LUC7L: variants seen among roughly 807,000 people sequenced by gnomAD.
LUC7L encodes the protein LUC7 like.
In LUC7L, 29 loss-of-function variants were observed where a neutral mutation model predicts 51.1. The observed-to-expected ratio is 0.57, with a 90% confidence interval of 0.42 to 0.77. The LOEUF is 0.77. Ranked by LOEUF, LUC7L falls within the 30% of genes least tolerant of loss-of-function variation. The pLI is 0.00. For synonymous variants in LUC7L, 181 were observed against 180.7 expected, an observed-to-expected ratio of 1.00 and a Z score of -0.01; for missense variants, 403 against 511.9, an observed-to-expected ratio of 0.79 and a Z score of 2.05.
intron 7 of LUC7L, among the ~76,000 whole-genome samples, chr16:191,995 C>T (rs1397409221): frequency 1.3e-5 from 2 of 152,124 alleles, no homozygotes; most frequent in Admixed American, 1.3e-4. Flanking sequence ...ACAGACTCAA[C>T]AGCCCCACCT....
chr16:211,090 C>T (rs375567135), intron 3 of LUC7L, among the ~76,000 whole-genome samples: 14 of 136,380 alleles, frequency 1.0e-4, no homozygotes, highest in African/African-American at 3.9e-4. Context: ...AGGCCCAGCA[C>T]GGTGGCTCAC....
intron 1 of LUC7L, chr16:228,252 T>C: frequency 7.7e-7 from 1 of 1,297,414 alleles, no homozygotes; most frequent in Non-Finnish European, 1.0e-6. Flanking sequence ...GTTTTCTTTC[T>C]AAACTACACT....
intron 6 of LUC7L, among the ~76,000 whole-genome samples, chr16:193,535 G>A (rs937808381): frequency 2.0e-5 from 3 of 151,702 alleles, no homozygotes; most frequent in Admixed American, 1.3e-4. Context: ...GACAGAGTCC[G>A]CCCTGTTGCC....
Position 192,931 on chromosome 16 carries a change from T to C in LUC7L, c.772A>G (p.Arg258Gly), listed in dbSNP as rs1567172088. 6.2e-7 allele frequency: 1 copy of C among 1,612,694 alleles called. No homozygotes were observed. The highest frequency in any genetic ancestry group is 8.5e-7 in the Non-Finnish European group (1 of 1,179,924). ...AGTGCCAGCCCTCAGGCTCACCTCC[T>C]GCTCAGACGCTCCTCCCGTTCCCTC... is the stretch of plus-strand genomic sequence containing the variant. ...EEREREERLSRRSGSRTRDRR... is the reference protein window; with the variant it reads ...EEREREERLSGRSGSRTRDRR... Residue 258 changes from arginine (R) to glycine (G), a missense_variant, in exon 7 of 10, where the codon AGG becomes GGG. Coordinates refer to ENST00000293872, the MANE Select transcript of LUC7L (RefSeq NM_201412.3).
intron 8 of LUC7L, 75 bp from the exon 9 acceptor site, chr16:190,210 T>A: frequency 1.5e-6 from 2 of 1,290,566 alleles, no homozygotes; most frequent in Non-Finnish European, 2.2e-6. Flanking sequence ...CTCAGCAGAT[T>A]CTGCTTGCTG....
At position 189,297 on chromosome 16, in the gene LUC7L, G is replaced by A. The variant is rs762557885; in HGVS notation, c.1017C>T (p.Ser339=). ...ERASREESWE[S]GRSERGPPDW... is the part of the protein sequence containing the mutation. ...CCGGGGGCCCTCGCTCGCTCCGCCC[G>A]CTCTCCCAGGACTCCTCTCTGGATG... Residue 339 remains serine, a synonymous_variant, in exon 10 of 10, where the codon AGC becomes AGT. Coordinates refer to ENST00000293872, the MANE Select transcript of LUC7L (RefSeq NM_201412.3). 54 of 1,612,896 alleles carry A rather than the reference G, an allele frequency of 3.3e-5. No individual in the cohort carries two copies. Among genetic ancestry groups the A allele is most frequent in the South Asian group, 1.6e-4 (15 of 90,946 alleles).
intron 1 of LUC7L, 75 bp from the exon 2 acceptor site, chr16:227,411 C>T: frequency 2.0e-6 from 3 of 1,532,358 alleles, no homozygotes; most frequent in African/African-American, 1.4e-5. Flanking sequence ...TATAACAATT[C>T]ACCTGGATGA....
intron 5 of LUC7L, among the ~76,000 whole-genome samples, chr16:201,170 G>A (rs200447676): frequency 1.4e-3 from 98 of 70,310 alleles, no homozygotes; most frequent in South Asian, 2.4e-3. Context: ...CTCTGTCTGA[G>A]AAAAAAAAAA....
At chr16:218,182 A>T (rs1286171761) in intron 3 of LUC7L, among the ~76,000 whole-genome samples, 2 of 151,726 alleles carry the variant, frequency 1.3e-5, no homozygotes, top group East Asian at 3.9e-4. Context: ...AACAACAGTG[A>T]CACTCCGTCT....
chr16:228,097 T>C, intron 1 of LUC7L: 1 of 1,150,522 alleles, frequency 8.7e-7, no homozygotes, highest in Non-Finnish European at 1.1e-6. Context: ...GGGGGAATGA[T>C]ACATAAAAGT....
intron 3 of LUC7L, chr16:208,789 T>C (rs2049555963): frequency 5.3e-6 from 1 of 189,670 alleles, no homozygotes; most frequent in Non-Finnish European, 9.8e-6. Flanking sequence ...GAAAAGAAGC[T>C]GTAGACGTCA....
At chr16:220,401 A>G (rs923511469) in intron 3 of LUC7L, 3 of 404,082 alleles carry the variant, frequency 7.4e-6, no homozygotes, top group African/African-American at 4.1e-5. Flanking sequence ...AAGGACTCAT[A>G]AAAATGTAAT....
At chr16:189,874 C>G in intron 9 of LUC7L, 94 bp downstream of exon 9, 3 of 1,531,306 alleles carry the variant, frequency 2.0e-6, no homozygotes, top group South Asian at 2.5e-5. Context: ...TGAGCCCAGC[C>G]CCATCCCCAC....
intron 2 of LUC7L, among the ~76,000 whole-genome samples, chr16:223,226 G>A (rs962223686): frequency 3.3e-5 from 5 of 151,962 alleles, no homozygotes; most frequent in South Asian, 2.1e-4. Flanking sequence ...CTGGGCGCCT[G>A]TAGTCCCAGC....
At chr16:201,041 G>C (rs1274117456) in intron 5 of LUC7L, among the ~76,000 whole-genome samples, 1 of 151,250 alleles carries the variant, frequency 6.6e-6, no homozygotes, top group African/African-American at 2.4e-5. Context: ...ACGGTGGCTG[G>C]CACCTGTAAT....
At chr16:203,743 G>C (rs1299107765) in intron 5 of LUC7L, among the ~76,000 whole-genome samples, 1 of 149,386 alleles carries the variant, frequency 6.7e-6, no homozygotes, top group South Asian at 2.1e-4. Flanking sequence ...AGGGCTGGGC[G>C]CGGTGGCTCA....
rs768946291 is a variant in LUC7L at position 189,096 on chromosome 16, A to G, written c.*102T>C. 2 of 1,318,612 alleles carry G rather than the reference A, an allele frequency of 1.5e-6. No individual in the cohort carries two copies. Among genetic ancestry groups the G allele is most frequent in the Non-Finnish European group, 1.0e-6 (1 of 955,738 alleles). The allele number at this position is 1,318,612 out of a possible 1,614,324, so 81.7% of individuals were successfully genotyped here. A position where few individuals can be genotyped will look rare whatever the true frequency, so the allele number is the denominator to read the frequency against. On this transcript the variant is annotated 3_prime_UTR_variant, in exon 10 of 10. Transcript: ENST00000293872. ...TCACAGCTAGCTCCAAAACAATAGA[A>G]ATTTTAAACTACAAAAGATGAGTTG...
At chr16:193,096 A>G (rs923336912) in intron 6 of LUC7L, 81 bp from the exon 7 acceptor site, 8 of 1,051,578 alleles carry the variant, frequency 7.6e-6, no homozygotes, top group Non-Finnish European at 1.2e-5. Context: ...TCACCTTTAT[A>G]TGAGCTCAGT....
intron 3 of LUC7L, among the ~76,000 whole-genome samples, chr16:217,946 T>C (rs1197356522): frequency 7.1e-6 from 1 of 141,522 alleles, no homozygotes; most frequent in Non-Finnish European, 1.5e-5. Flanking sequence ...GGCTGAGGCA[T>C]GAGAAGAGAA....
Sources: gnomAD v4.1 joint callset for allele counts (sites outside exome capture counted in the v4.1 genomes callset) on GRCh38, gnomAD v4.1.1 for gene constraint, MANE v1.5 for transcripts, NCBI Gene and HGNC (gene_info 2026-07-23, HGNC 2026-07-21) for gene names.